XIRP2: variants seen among roughly 807,000 people sequenced by gnomAD.
XIRP2 encodes xin actin-binding repeat-containing protein 2.
Under a neutral mutation model 277.0 loss-of-function variants are expected in XIRP2, and 236 were observed. The ratio of observed to expected loss-of-function variants is 0.85; its 90% confidence interval spans 0.77 to 0.95. The LOEUF is 0.95. Among genes scored for constraint, XIRP2 ranks in the 40% least tolerant of loss-of-function variants. The pLI is 0.00. For missense variants in XIRP2, 4,640 were observed against 4,157.5 expected, an observed-to-expected ratio of 1.12 and a Z score of -3.19; for synonymous variants, 1,490 against 1,416.5, an observed-to-expected ratio of 1.05 and a Z score of -1.17.
intron 2 of XIRP2, among the ~76,000 whole-genome samples, chr2:167,017,839 C>T (rs1687873845): frequency 6.6e-6 from 1 of 152,010 alleles, no homozygotes; most frequent in South Asian, 2.1e-4. Context: ...TCTTCGGGAA[C>T]ATTAATCCAG....
intron 2 of XIRP2, among the ~76,000 whole-genome samples, chr2:167,020,699 G>T (rs777655778): frequency 1.3e-5 from 2 of 152,040 alleles, no homozygotes; most frequent in Non-Finnish European, 2.9e-5. Flanking sequence ...TGGTTAATTT[G>T]CTGGCTGATG....
At chr2:167,048,456 G>T (rs755451395) in intron 2 of XIRP2, among the ~76,000 whole-genome samples, 5 of 151,650 alleles carry the variant, frequency 3.3e-5, no homozygotes, top group Non-Finnish European at 1.5e-5. Context: ...CCAATATCAA[G>T]GTCACTTTTC....
intron 1 of XIRP2, among the ~76,000 whole-genome samples, chr2:166,890,708 T>C (rs1165277006): frequency 6.6e-6 from 1 of 152,186 alleles, no homozygotes; most frequent in Admixed American, 6.5e-5. Flanking sequence ...ATCATCAGCT[T>C]TGTCCTAAAT....
intron 3 of XIRP2, among the ~76,000 whole-genome samples, chr2:167,181,314 G>C (rs1693001324): frequency 6.6e-6 from 1 of 152,076 alleles, no homozygotes; most frequent in Non-Finnish European, 1.5e-5. Flanking sequence ...GAAACTATTT[G>C]TTCTTCTCTG....
At chr2:167,192,056 G>A (rs1488854047) in intron 3 of XIRP2, among the ~76,000 whole-genome samples, 3 of 151,526 alleles carry the variant, frequency 2.0e-5, no homozygotes, top group Non-Finnish European at 4.4e-5. Flanking sequence ...GCACGTATTA[G>A]CATTAATTTT....
At chr2:167,188,317 C>T (rs112554413) in intron 3 of XIRP2, among the ~76,000 whole-genome samples, 32 of 152,218 alleles carry the variant, frequency 2.1e-4, no homozygotes, top group African/African-American at 7.0e-4. Flanking sequence ...TTGGAAGAGA[C>T]GTGATAACAG....
chr2:167,192,904 C>T (rs770909262), intron 3 of XIRP2, among the ~76,000 whole-genome samples: 1 of 152,162 alleles, frequency 6.6e-6, no homozygotes, highest in African/African-American at 2.4e-5. Flanking sequence ...TTCATTAGAG[C>T]CTTGACTTCG....
At position 167,244,249 on chromosome 2, in the gene XIRP2, G is replaced by T; in HGVS notation, c.2857G>T (p.Glu953Ter). Residue 953 changes from glutamate to a stop codon, truncating the protein, a stop_gained, in exon 9 of 11, where the codon GAA (glutamate) becomes TAA (stop). Transcript: ENST00000409195. LOFTEE classifies it high-confidence loss of function. The stretch of plus-strand genomic sequence containing the variant: ...TGTGAAGAATTACACACATATCTTT[G>T]AATCAAACAATTTAATTAAATTTGA... The part of the protein sequence containing the change: ...GDVKNYTHIF[E>*]SNNLIKFDAS... The T allele has an allele frequency of 3.7e-6, 6 of 1,613,688 alleles. No individual in the cohort carries two copies. The highest frequency in any genetic ancestry group is 5.1e-6 in the Non-Finnish European group (6 of 1,179,840).
At chr2:167,101,720 A>G (rs977337361) in intron 2 of XIRP2, among the ~76,000 whole-genome samples, 7 of 152,202 alleles carry the variant, frequency 4.6e-5, no homozygotes, top group African/African-American at 1.4e-4. Flanking sequence ...CAAAATATAT[A>G]AGAGAATAGT....
At chr2:167,227,407 G>A (rs1224462874) in intron 5 of XIRP2, among the ~76,000 whole-genome samples, 2 of 152,076 alleles carry the variant, frequency 1.3e-5, no homozygotes, top group African/African-American at 4.8e-5. Context: ...TGACATATTA[G>A]AATATTAAAA....
Position 167,245,909 on chromosome 2 carries a change from A to G in XIRP2, c.4517A>G (p.His1506Arg). 1 of 1,613,766 alleles carries G rather than the reference A, an allele frequency of 6.2e-7. No individual in the cohort carries two copies. Among genetic ancestry groups the G allele is most frequent in the Non-Finnish European group, 8.5e-7 (1 of 1,179,774 alleles). Residue 1506 changes from histidine to arginine, a missense_variant, in exon 9 of 11, where the codon CAT becomes CGT. By Grantham distance (29) the His-to-Arg change is conservative. Coordinates refer to ENST00000409195, the MANE Select transcript of XIRP2 (RefSeq NM_152381.6). Reference protein sequence around the residue: ...NRTFDSIMEAHKGITKMTKEE... With the variant: ...NRTFDSIMEARKGITKMTKEE... ...ACTTTCGATTCTATTATGGAAGCAC[A>G]TAAAGGTATCACAAAAATGACCAAG...
chr2:167,084,399 T>C (rs1247035140), intron 2 of XIRP2, among the ~76,000 whole-genome samples: 5 of 151,798 alleles, frequency 3.3e-5, no homozygotes, highest in East Asian at 1.9e-4. Flanking sequence ...GGTCTAAAAT[T>C]CTCTTTTTTG....
At chr2:167,076,308 T>G (rs1168822002) in intron 2 of XIRP2, among the ~76,000 whole-genome samples, 1 of 152,222 alleles carries the variant, frequency 6.6e-6, no homozygotes, top group African/African-American at 2.4e-5. Context: ...ACTCAATCTT[T>G]TATTTCAATG....
chr2:167,165,189 C>T (rs7609549), intron 3 of XIRP2, among the ~76,000 whole-genome samples: 15,042 of 152,158 alleles, frequency 0.099, 797 homozygotes, highest in South Asian at 0.15. Context: ...TCATTTTCTT[C>T]TACATTGAAT....
intron 2 of XIRP2, among the ~76,000 whole-genome samples, chr2:166,997,797 C>A (rs535701749): frequency 6.6e-6 from 1 of 151,436 alleles, no homozygotes; most frequent in Non-Finnish European, 1.5e-5. Flanking sequence ...CCCAGCTACT[C>A]GGGAGGCTGA....
At chr2:167,078,616 C>T (rs1403703336) in intron 2 of XIRP2, among the ~76,000 whole-genome samples, 2 of 152,014 alleles carry the variant, frequency 1.3e-5, no homozygotes, top group African/African-American at 2.4e-5. Flanking sequence ...GTGGGCAGAA[C>T]ACGAGGTCAG....
At chr2:167,080,881 ATATTT>A (rs1689709497) in intron 2 of XIRP2, among the ~76,000 whole-genome samples, 1 of 152,134 alleles carries the variant, frequency 6.6e-6, no homozygotes, top group Non-Finnish European at 1.5e-5. Context: ...CATTGAGAAA[ATATTT>A]TATAATTTCT....
chr2:167,056,680 C>A (rs747965467), intron 2 of XIRP2, among the ~76,000 whole-genome samples: 2 of 152,084 alleles, frequency 1.3e-5, no homozygotes, highest in Non-Finnish European at 2.9e-5. Context: ...AAGAACAATG[C>A]TAACAATATA....
At chr2:167,003,698 T>C (rs183326458) in intron 2 of XIRP2, among the ~76,000 whole-genome samples, 4 of 152,096 alleles carry the variant, frequency 2.6e-5, no homozygotes, top group Non-Finnish European at 4.4e-5. Context: ...AGATTTTAAA[T>C]GTTATACTTT....
Sources: allele counts gnomAD v4.1 joint callset (sites outside exome capture counted in the v4.1 genomes callset), GRCh38; gene constraint gnomAD v4.1.1; transcripts MANE v1.5; gene names NCBI Gene and HGNC (gene_info 2026-07-23, HGNC 2026-07-21).